The following HERC2 variants were observed in gnomAD, a reference collection of about 807,000 sequenced individuals.
HERC2 encodes the protein HECT and RLD domain containing E3 ubiquitin protein ligase 2, also known as E3 ubiquitin-protein ligase HERC2.
A neutral mutation model predicts 537.7 loss-of-function variants in HERC2; 102 were observed. The observed-to-expected ratio is 0.19, with a 90% CI of 0.16 to 0.22. The LOEUF (loss-of-function observed/expected upper bound fraction) is 0.22, where lower values mean the gene tolerates loss of function less well. Ranked by LOEUF, HERC2 falls within the 10% of genes least tolerant of loss-of-function variation. The pLI is 1.00. For missense variants in HERC2, 4,236 were observed against 6,198.2 expected (o/e 0.68, Z 10.63); for synonymous variants, 2,224 against 2,466.2 (o/e 0.90, Z 2.91).
intron 2 of HERC2, 111 bp downstream of exon 2, chr15:28,321,251 T>G: frequency 3.1e-6 from 2 of 636,118 alleles, no homozygotes. Flanking sequence ...GCTCCTCTAA[T>G]TCAGCAAGAT....
Position 28,112,967 on chromosome 15 carries a change from C to G in HERC2, c.14232+104G>C, listed in dbSNP as rs541189988. ...TTCCATTTTCATTTCTGTAAAGACTCAAGAGGCTCGTTTTCCATGTGCTGC... is the reference window on the plus strand; with the variant it reads ...TTCCATTTTCATTTCTGTAAAGACTGAAGAGGCTCGTTTTCCATGTGCTGC... On this transcript the variant is annotated intron_variant, in intron 92 of 92. Coordinates refer to ENST00000261609, the MANE Select transcript of HERC2 (RefSeq NM_004667.6). 1.2e-5 allele frequency: 10 copies of G among 855,716 alleles called. 1 individual carries two copies. In the Admixed American group the frequency reaches 2.3e-4, roughly 20 times the overall value. 53.0% of individuals were successfully genotyped at this position (855,716 alleles called of 1,614,324 possible). A position where few individuals can be genotyped will look rare whatever the true frequency, so the allele number is the denominator to read the frequency against.
At chr15:28,180,761 T>G (rs937011465) in intron 57 of HERC2, among the ~76,000 whole-genome samples, 1 of 152,240 alleles carries the variant, frequency 6.6e-6, no homozygotes, top group South Asian at 2.1e-4. Flanking sequence ...GTACTAAATA[T>G]GTACAGATAT....
intron 15 of HERC2, 140 bp downstream of exon 15, chr15:28,262,778 C>G: frequency 1.2e-6 from 1 of 853,356 alleles, no homozygotes; most frequent in Non-Finnish European, 1.9e-6. Flanking sequence ...TAATGACAGT[C>G]CATTCATGGA....
chr15:28,228,951 A>T (rs1479767027), intron 34 of HERC2, among the ~76,000 whole-genome samples: 1 of 152,242 alleles, frequency 6.6e-6, no homozygotes, highest in Non-Finnish European at 1.5e-5. Context: ...ACACTTTAGG[A>T]TATGTGGTGA....
intron 57 of HERC2, 89 bp from the exon 58 acceptor site, chr15:28,179,312 G>T: frequency 1.0e-6 from 1 of 997,766 alleles, no homozygotes; most frequent in South Asian, 1.5e-5. Flanking sequence ...ATGATACAAG[G>T]AATTACAGTT....
chr15:28,159,259 A>G (rs151286764), intron 69 of HERC2, among the ~76,000 whole-genome samples: 2 of 152,130 alleles, frequency 1.3e-5, no homozygotes, highest in African/African-American at 4.8e-5. Context: ...CATTCTCTGT[A>G]CTTCCTGAAT....
intron 4 of HERC2, among the ~76,000 whole-genome samples, chr15:28,292,619 C>G (rs1306598682): frequency 2.0e-5 from 3 of 152,102 alleles, no homozygotes; most frequent in African/African-American, 7.2e-5. Context: ...AGTATAAGAC[C>G]AGCCTGGGCA....
intron 28 of HERC2, 34 bp from the exon 29 acceptor site, chr15:28,233,595 G>T (rs1902107486): frequency 6.2e-7 from 1 of 1,613,810 alleles, no homozygotes; most frequent in Non-Finnish European, 8.5e-7. Context: ...GGGCAGGGAT[G>T]AATATGTACC....
intron 9 of HERC2, among the ~76,000 whole-genome samples, 197 bp from the exon 10 acceptor site, chr15:28,271,065 G>A (rs991428128): frequency 2.0e-5 from 3 of 152,092 alleles, no homozygotes; most frequent in African/African-American, 7.2e-5. Flanking sequence ...TAAATTTGCT[G>A]TACACGCATA....
chr15:28,247,823 A>G (rs139567504), intron 21 of HERC2, among the ~76,000 whole-genome samples: 9 of 152,326 alleles, frequency 5.9e-5, no homozygotes, highest in African/African-American at 2.2e-4. Flanking sequence ...GAAACCTGAA[A>G]GTTTCCATTA....
At chr15:28,159,865 A>G (rs977830679) in intron 69 of HERC2, among the ~76,000 whole-genome samples, 1 of 152,084 alleles carries the variant, frequency 6.6e-6, no homozygotes, top group African/African-American at 2.4e-5. Flanking sequence ...TTGTGGTTTT[A>G]TCTACCTTTG....
intron 57 of HERC2, 85 bp downstream of exon 57, chr15:28,182,316 G>A: frequency 2.4e-6 from 2 of 816,922 alleles, no homozygotes; most frequent in Non-Finnish European, 4.2e-6. Context: ...ACAACATATA[G>A]AGAGTAAAGT....
intron 5 of HERC2, among the ~76,000 whole-genome samples, chr15:28,275,740 G>A (rs148058774): frequency 4.6e-4 from 69 of 149,676 alleles, no homozygotes; most frequent in African/African-American, 1.5e-3. Context: ...CCAAGATCGC[G>A]CCACTGCACT....
At chr15:28,137,799 A>C (rs1463452479) in intron 78 of HERC2, among the ~76,000 whole-genome samples, 1 of 152,184 alleles carries the variant, frequency 6.6e-6, no homozygotes, top group African/African-American at 2.4e-5. Context: ...CATATTTCTC[A>C]CTTTAAGTCA....
chr15:28,248,588 G>C lies in HERC2; in HGVS notation c.3199C>G (p.Pro1067Ala). The change falls in exon 21 of 93, where the codon CCA becomes GCA. Residue 1067 changes from proline to alanine, a missense_variant. Physicochemically the swap from Pro to Ala is conservative, Grantham distance 27 (BLOSUM62 -1). Coordinates refer to ENST00000261609, the MANE Select transcript of HERC2 (RefSeq NM_004667.6). ...GAGGTCTGACCAATACTTTCTCCTG[G>C]ATAAAGTTTACTAATAAGCAAACGT... The part of the protein sequence containing the change: ...FQRLLISKLY[P>A]GESIGQTSDI... 6.2e-7 allele frequency: 1 copy of C among 1,613,902 alleles called. No individual in the cohort carries two copies. Among genetic ancestry groups the C allele is most frequent in the Non-Finnish European group, 8.5e-7 (1 of 1,179,872 alleles).
chr15:28,194,561 G>C (rs1273588971), intron 52 of HERC2, among the ~76,000 whole-genome samples: 1 of 151,552 alleles, frequency 6.6e-6, no homozygotes, highest in African/African-American at 2.4e-5. Flanking sequence ...GACAGAGCGA[G>C]ACTCCGTCTC....
chr15:28,226,057 C>T (rs1458350023), intron 35 of HERC2, among the ~76,000 whole-genome samples: 18 of 152,190 alleles, frequency 1.2e-4, no homozygotes, highest in Admixed American at 3.9e-4. Flanking sequence ...TATATGGGAA[C>T]ACTACCCAGT....
At chr15:28,172,532 T>C (rs574201673) in intron 65 of HERC2, among the ~76,000 whole-genome samples, 1 of 152,210 alleles carries the variant, frequency 6.6e-6, no homozygotes, top group South Asian at 2.1e-4. Flanking sequence ...AAAAGCGTAG[T>C]TTTTCAACAA....
In HERC2 at chr15:28,173,519, T is replaced by C. The variant is rs79489815; in HGVS notation, c.10057+876A>G. Among the ~76,000 whole-genome samples, 1,096 of 152,142 alleles carry C rather than the reference T, an allele frequency of 7.2e-3. 4 individuals carry two copies. Among genetic ancestry groups the C allele is most frequent in the Non-Finnish European group, 0.011 (719 of 67,978 alleles). ...GTAAGCTGTACAACATGCAAACTGG[T>C]CTGCCACGGTGGCTCCTGCCCATAA... On this transcript the variant is annotated intron_variant, in intron 65 of 92. Transcript: ENST00000261609.
Sources: gnomAD v4.1 joint callset for allele counts (sites outside exome capture counted in the v4.1 genomes callset) on GRCh38, gnomAD v4.1.1 for gene constraint, MANE v1.5 for transcripts, NCBI Gene and HGNC (gene_info 2026-07-23, HGNC 2026-07-21) for gene names.